LAMA2: variants seen among roughly 807,000 people sequenced by gnomAD.
LAMA2 encodes the protein laminin subunit alpha-2.
A neutral mutation model predicts 364.8 loss-of-function variants in LAMA2; 269 were observed. The observed-to-expected ratio is 0.74, with a 90% CI of 0.67 to 0.82. The LOEUF (loss-of-function observed/expected upper bound fraction) is 0.82. Among genes scored for constraint, LAMA2 ranks in the 40% least tolerant of loss-of-function variants. The probability of loss-of-function intolerance (pLI) is 0.00; values close to 1 mark genes in which losing one functional copy is unlikely to be tolerated. For synonymous variants in LAMA2, 1,379 were observed against 1,370.6 expected, an observed-to-expected ratio of 1.01 and a Z score of -0.14; for missense variants, 3,807 against 3,873.2, an observed-to-expected ratio of 0.98 and a Z score of 0.45.
In LAMA2 at chr6:129,234,856, G is replaced by A. The variant is rs567115528; in HGVS notation, c.1783-15256G>A. ...CTGTGTCTTTATGAAACTAGATAAA[G>A]CAAAGAAAAATCTGTCAATTACTCA... On this transcript the variant is annotated intron_variant, in intron 12 of 64. Transcript: ENST00000421865. 3.3e-5 allele frequency among the ~76,000 whole-genome samples: 5 copies of A among 152,130 alleles called. No individual in the cohort carries two copies. The East Asian group carries it at 7.7e-4, about 23-fold the overall frequency.
intron 60 of LAMA2, 113 bp downstream of exon 60, chr6:129,503,393 G>C: frequency 1.0e-6 from 1 of 965,746 alleles, no homozygotes; most frequent in Non-Finnish European, 1.6e-6. Context: ...TCTGGCAGAA[G>C]CTAAAAATAA....
At chr6:129,406,793 G>A (rs1235236056) in intron 40 of LAMA2, among the ~76,000 whole-genome samples, 1 of 152,146 alleles carries the variant, frequency 6.6e-6, no homozygotes, top group Non-Finnish European at 1.5e-5. Flanking sequence ...GGTTTACTAA[G>A]GAATATTGAC....
intron 1 of LAMA2, among the ~76,000 whole-genome samples, chr6:128,979,378 T>C (rs1782730847): frequency 6.6e-6 from 1 of 152,158 alleles, no homozygotes; most frequent in South Asian, 2.1e-4. Context: ...ATCAGTGTAC[T>C]TTAGACATTG....
chr6:129,512,464 G>C lies in LAMA2; in HGVS notation c.8959G>C (p.Gly2987Arg). ...GGGGATCAGTAGTCAAAAAATGGAT[G>C]GAATGGGTATTGAAATGATTGATGA... ...LLGISSQKMD[G>R]MGIEMIDEKL... The change falls in exon 63 of 65, where the codon GGA (glycine) becomes CGA (arginine). Residue 2987 changes from glycine to arginine, a missense_variant. Physicochemically the swap from Gly to Arg is moderately radical, Grantham distance 125. Transcript: ENST00000421865. The C allele has an allele frequency of 6.2e-7, 1 of 1,613,552 alleles. No individual in the cohort carries two copies. Among genetic ancestry groups the C allele is most frequent in the Middle Eastern group, 1.7e-4 (1 of 6,058 alleles).
chr6:129,341,108 A>G (rs1776245802), intron 29 of LAMA2, among the ~76,000 whole-genome samples: 1 of 152,246 alleles, frequency 6.6e-6, no homozygotes, highest in African/African-American at 2.4e-5. Context: ...CTGTGGTGGA[A>G]ATGACGTCAG....
rs764872873 is a variant in LAMA2 at position 129,353,309 on chromosome 6, T to C, written c.4669T>C (p.Cys1557Arg). 3 of 1,614,054 alleles carry C rather than the reference T, an allele frequency of 1.9e-6. No individual in the cohort carries two copies. In the Admixed American group the frequency reaches 5.0e-5, roughly 27 times the overall value. ...CCGACCTGGAGCCACGGGAAGGAAGTGTGACGGCTGCAAGCACTGGCATGC... is the reference window on the plus strand; with the variant it reads ...CCGACCTGGAGCCACGGGAAGGAAGCGTGACGGCTGCAAGCACTGGCATGC... The part of the protein sequence containing the change: ...TCRPGATGRK[C>R]DGCKHWHARE... Residue 1557 changes from cysteine (C) to arginine (R), a missense_variant, in exon 32 of 65, where the codon TGT (cysteine) becomes CGT (arginine). By Grantham distance (180) the Cys-to-Arg change is radical. Transcript: ENST00000421865.
chr6:129,483,223 A>G (rs1036149341), intron 55 of LAMA2, among the ~76,000 whole-genome samples: 11 of 128,990 alleles, frequency 8.5e-5, no homozygotes, highest in African/African-American at 3.2e-4. Flanking sequence ...TTAGCCATCT[A>G]TAAAAAAAAA....
At chr6:129,394,956 G>A (rs1025430782) in intron 37 of LAMA2, among the ~76,000 whole-genome samples, 80 of 152,218 alleles carry the variant, frequency 5.3e-4, no homozygotes, top group African/African-American at 1.8e-3. Context: ...AAAAGTTACT[G>A]GATAAAATAG....
intron 14 of LAMA2, 96 bp from the exon 15 acceptor site, chr6:129,260,615 G>A: frequency 1.2e-6 from 1 of 804,420 alleles, no homozygotes; most frequent in Non-Finnish European, 2.2e-6. Flanking sequence ...ATGCATAATT[G>A]GCTTATATTT....
At position 129,481,278 on chromosome 6, in the gene LAMA2, A is replaced by G. The variant is rs199905856; in HGVS notation, c.7588A>G (p.Ser2530Gly). The G allele has an allele frequency of 6.2e-7, 1 of 1,613,694 alleles. No homozygotes were observed. The highest frequency in any genetic ancestry group is 8.5e-7 in the Non-Finnish European group (1 of 1,179,692). Residue 2530 changes from serine to glycine, a missense_variant, in exon 55 of 65, where the codon AGC becomes GGC. Ser to Gly is a moderately conservative substitution (Grantham distance 56, BLOSUM62 0). This residue lies in a region of LAMA2 where 3,333 missense variants were observed against 3,345.7 expected (regional missense o/e 1.00). Coordinates refer to ENST00000421865, the MANE Select transcript of LAMA2 (RefSeq NM_000426.4). Reference sequence around the variant, plus strand: ...TTACTCACAGAATGTTTACACAGTTAGCTTTCCTAAGCCTGGTTTTGTGGA... The same window carrying G: ...TTACTCACAGAATGTTTACACAGTTGGCTTTCCTAAGCCTGGTTTTGTGGA... Reference protein sequence around the residue: ...GCSLENVYTVSFPKPGFVELS... With the variant: ...GCSLENVYTVGFPKPGFVELS...
chr6:129,032,093 C>T (rs1786270713), intron 1 of LAMA2, among the ~76,000 whole-genome samples: 1 of 152,210 alleles, frequency 6.6e-6, no homozygotes, highest in Non-Finnish European at 1.5e-5. Context: ...GCTGGGATTA[C>T]AGGCGTGAGC....
chr6:129,435,354 T>C (rs1781783334), intron 41 of LAMA2, among the ~76,000 whole-genome samples: 1 of 152,196 alleles, frequency 6.6e-6, no homozygotes, highest in Admixed American at 6.5e-5. Flanking sequence ...TGTATAGATA[T>C]CACAGTCATA....
chr6:129,391,439 T>G, intron 35 of LAMA2, 52 bp from the exon 36 acceptor site: 1 of 1,448,702 alleles, frequency 6.9e-7, no homozygotes, highest in Non-Finnish European at 9.7e-7. Context: ...TACCATGTTT[T>G]CATGTGGCAT....
chr6:129,029,571 T>TA (rs200711461), intron 1 of LAMA2, among the ~76,000 whole-genome samples: 5,176 of 151,702 alleles, frequency 0.034, 266 homozygotes, highest in African/African-American at 0.11. Flanking sequence ...TGAGAAATGC[T>TA]AAAAAAAATT....
rs552736374 is a variant in LAMA2, at chr6:129,200,160, A to G, written c.1782+7307A>G. ...CGTGTACACATATACACGTGTATAT[A>G]TATATACGTGTACACATATACATGT... is the stretch of plus-strand genomic sequence containing the variant. On this transcript the variant is annotated intron_variant, in intron 12 of 64. Transcript: ENST00000421865. 6.7e-4 allele frequency among the ~76,000 whole-genome samples: 100 copies of G among 148,584 alleles called. 2 individuals are homozygous for G. Among genetic ancestry groups the G allele is most frequent in the African/African-American group, 2.3e-3 (95 of 40,584 alleles).
chr6:129,230,466 C>A (rs935721475), intron 12 of LAMA2, among the ~76,000 whole-genome samples: 6 of 152,094 alleles, frequency 3.9e-5, no homozygotes, highest in Admixed American at 3.3e-4. Flanking sequence ...GGCATAGATA[C>A]TTTTATGGGA....
chr6:129,385,374 CA>C (rs372396687), intron 35 of LAMA2, among the ~76,000 whole-genome samples: 103 of 150,958 alleles, frequency 6.8e-4, no homozygotes, highest in African/African-American at 2.3e-3. Context: ...AAGGACTCAC[CA>C]AAGGCTTTAA....
chr6:129,026,245 ATATT>A (rs1392510851), intron 1 of LAMA2, among the ~76,000 whole-genome samples: 2 of 152,194 alleles, frequency 1.3e-5, no homozygotes, highest in Non-Finnish European at 1.5e-5. Flanking sequence ...GATATAAAAA[ATATT>A]TATGGTAATT....
intron 1 of LAMA2, among the ~76,000 whole-genome samples, chr6:128,964,263 G>T (rs1781710857): frequency 6.6e-6 from 1 of 152,060 alleles, no homozygotes; most frequent in Non-Finnish European, 1.5e-5. Flanking sequence ...AGTAGCCAAT[G>T]ATGTTGAACT....
Sources: allele counts gnomAD v4.1 joint callset (sites outside exome capture counted in the v4.1 genomes callset), GRCh38; gene constraint gnomAD v4.1.1; regional missense constraint gnomAD v4.1.1; transcripts MANE v1.5; gene names NCBI Gene and HGNC (gene_info 2026-07-23, HGNC 2026-07-21).